The following WDPCP variants were observed in gnomAD, a reference collection of about 807,000 sequenced individuals.
WDPCP encodes the protein WD repeat-containing and planar cell polarity effector protein fritz homolog.
Under a neutral mutation model 93.1 loss-of-function variants are expected in WDPCP, and 71 were observed. The observed-to-expected ratio is 0.76, with a 90% confidence interval of 0.63 to 0.93. The LOEUF (loss-of-function observed/expected upper bound fraction) is 0.93. Ranked by LOEUF, WDPCP falls within the 40% of genes least tolerant of loss-of-function variation. The pLI is 0.00. For synonymous variants in WDPCP, 315 were observed against 315.0 expected (o/e 1.00, Z 0.00); for missense variants, 844 against 887.4 (o/e 0.95, Z 0.62).
At chr2:63,244,405 C>T (rs957324978) in intron 14 of WDPCP, among the ~76,000 whole-genome samples, 3 of 151,940 alleles carry the variant, frequency 2.0e-5, no homozygotes, top group African/African-American at 7.3e-5. Context: ...AAAATCCATA[C>T]AAAAGATCAA....
At chr2:63,274,768 A>T (rs1682949654) in intron 13 of WDPCP, among the ~76,000 whole-genome samples, 1 of 152,066 alleles carries the variant, frequency 6.6e-6, no homozygotes, top group African/African-American at 2.4e-5. Context: ...GAAATAGAAA[A>T]CCTGAAGAGA....
intron 13 of WDPCP, among the ~76,000 whole-genome samples, chr2:63,300,556 G>A (rs560170877): frequency 3.3e-5 from 5 of 152,210 alleles, no homozygotes; most frequent in African/African-American, 1.2e-4. Flanking sequence ...GCCCTGATGG[G>A]GTGTCAGCAA....
intron 6 of WDPCP, among the ~76,000 whole-genome samples, chr2:63,465,058 TA>T (rs565825276): frequency 6.6e-6 from 1 of 151,854 alleles, no homozygotes; most frequent in Non-Finnish European, 1.5e-5. Flanking sequence ...TTTATCACAA[TA>T]AAAAAATTAA....
At chr2:63,472,199 T>C (rs972289964) in intron 6 of WDPCP, among the ~76,000 whole-genome samples, 2 of 151,970 alleles carry the variant, frequency 1.3e-5, no homozygotes, top group Non-Finnish European at 2.9e-5. Context: ...TAGAAGTTTT[T>C]TGGATTTTCT....
intron 13 of WDPCP, among the ~76,000 whole-genome samples, chr2:63,285,795 T>C (rs1683953637): frequency 6.6e-6 from 1 of 152,154 alleles, no homozygotes; most frequent in Non-Finnish European, 1.5e-5. Flanking sequence ...TTACTAGTTC[T>C]AAAGTAAAGA....
chr2:63,669,368 ATT>A (rs890389398), intron 2 of WDPCP, among the ~76,000 whole-genome samples: 2 of 28,078 alleles, frequency 7.1e-5, no homozygotes, highest in African/African-American at 1.5e-4. Flanking sequence ...ATTTTATTTT[ATT>A]TTTTTTTGAG....
At chr2:63,787,120 A>G (rs1175951708) in intron 2 of WDPCP, among the ~76,000 whole-genome samples, 2 of 152,248 alleles carry the variant, frequency 1.3e-5, no homozygotes, top group Non-Finnish European at 2.9e-5. Context: ...GGATCCTAAG[A>G]AAATAAACAC....
At chr2:63,642,685 G>GT (rs1288820307) in intron 3 of WDPCP, 1 of 151,744 alleles carries the variant, frequency 6.6e-6, no homozygotes, top group East Asian at 1.9e-4. Context: ...TGTTTATCTT[G>GT]TAACAGTTTT....
chr2:63,528,284 C>T (rs1448031963), intron 1 of WDPCP, among the ~76,000 whole-genome samples: 1 of 152,170 alleles, frequency 6.6e-6, no homozygotes, highest in Admixed American at 6.5e-5. Context: ...GACATGAAGT[C>T]CTTGCCCATG....
intron 1 of WDPCP, among the ~76,000 whole-genome samples, chr2:63,529,829 G>A (rs958894056): frequency 2.0e-5 from 3 of 152,100 alleles, no homozygotes; most frequent in African/African-American, 4.8e-5. Flanking sequence ...TCTGGTCCTC[G>A]ACATTTTTTT....
chr2:63,240,152 C>T (rs1679751508), intron 14 of WDPCP, among the ~76,000 whole-genome samples: 1 of 152,060 alleles, frequency 6.6e-6, no homozygotes, highest in Admixed American at 6.6e-5. Context: ...TTAGCCAAGA[C>T]TAGACCTCAG....
chr2:63,665,028 A>G (rs1710267156), intron 2 of WDPCP, among the ~76,000 whole-genome samples: 1 of 152,250 alleles, frequency 6.6e-6, no homozygotes, highest in South Asian at 2.1e-4. Flanking sequence ...AGTGAGATGG[A>G]CTGAGAAGAA....
At chr2:63,659,840 A>G (rs989040823) in intron 2 of WDPCP, among the ~76,000 whole-genome samples, 13 of 152,202 alleles carry the variant, frequency 8.5e-5, no homozygotes, top group Non-Finnish European at 1.8e-4. Flanking sequence ...GCAAGGTTGT[A>G]GGACCAGCTT....
chr2:63,133,612 G>A (rs995871933), intron 17 of WDPCP, among the ~76,000 whole-genome samples: 1 of 152,116 alleles, frequency 6.6e-6, no homozygotes, highest in African/African-American at 2.4e-5. Context: ...TTTTATAAGC[G>A]TCTGGCATTT....
chr2:63,407,256 G>A (rs894892547), intron 9 of WDPCP, among the ~76,000 whole-genome samples: 3 of 151,962 alleles, frequency 2.0e-5, no homozygotes, highest in Admixed American at 6.6e-5. Context: ...GCCCTGAGGT[G>A]GAATCTCTAT....
intron 3 of WDPCP, among the ~76,000 whole-genome samples, chr2:63,632,661 T>C (rs1408072585): frequency 6.6e-6 from 1 of 152,034 alleles, no homozygotes; most frequent in Non-Finnish European, 1.5e-5. Flanking sequence ...TCATTTGAAA[T>C]TATCCAGTTA....
At chr2:63,576,904 C>T (rs977365550) in intron 1 of WDPCP, among the ~76,000 whole-genome samples, 4 of 152,280 alleles carry the variant, frequency 2.6e-5, no homozygotes, top group Admixed American at 2.6e-4. Context: ...TAACAGGTTT[C>T]TCACAGGCAA....
Position 63,632,493 on chromosome 2 carries a change from G to A in WDPCP, n.488+18166C>T, listed in dbSNP as rs148314849. On this transcript the variant is annotated intron_variant and non_coding_transcript_variant, in intron 3 of 4. Transcript: ENST00000467687. ...CAATGCAATCAGGAAAACAATATACGAGCAAAACGAGAAGTTCAACAGACA... is the reference window on the plus strand; with the variant it reads ...CAATGCAATCAGGAAAACAATATACAAGCAAAACGAGAAGTTCAACAGACA... Among the ~76,000 whole-genome samples the A allele has an allele frequency of 2.6e-4, 39 of 152,096 alleles. No individual in the cohort carries two copies. The East Asian group carries it at 7.0e-3, about 27-fold the overall frequency.
At chr2:63,706,644 C>G (rs1669159491) in intron 2 of WDPCP, among the ~76,000 whole-genome samples, 1 of 116,036 alleles carries the variant, frequency 8.6e-6, no homozygotes, top group South Asian at 3.0e-4. Context: ...GAGTCTCGCT[C>G]TGTCGCCCAG....
Sources: gnomAD v4.1 joint callset for allele counts (sites outside exome capture counted in the v4.1 genomes callset) on GRCh38, gnomAD v4.1.1 for gene constraint, MANE v1.5 for transcripts, NCBI Gene and HGNC (gene_info 2026-07-23, HGNC 2026-07-21) for gene names.